Variants in KIF14 observed in about 807,000 individuals in gnomAD.
KIF14 encodes the protein kinesin-like protein KIF14.
In KIF14, 98 loss-of-function variants were observed where a neutral mutation model predicts 176.2. That is an observed-to-expected ratio of 0.56 (90% CI 0.47 to 0.66). The LOEUF is 0.66. Among genes scored for constraint, KIF14 ranks in the 30% least tolerant of loss-of-function variants. KIF14 has a pLI of 0.00. For missense variants in KIF14, 1,751 were observed against 1,920.4 expected (o/e 0.91, Z 1.65); for synonymous variants, 566 against 632.2 (o/e 0.90, Z 1.57).
rs979747208 is a variant in KIF14, at chr1:200,559,504, A to T, written c.4231-52T>A. The T allele has an allele frequency of 2.5e-5, 26 of 1,027,852 alleles. No individual in the cohort carries two copies. In the East Asian group the frequency reaches 3.5e-4, roughly 14 times the overall value. 63.7% of individuals were successfully genotyped at this position (1,027,852 alleles called of 1,614,324 possible). On this transcript the variant is annotated intron_variant, in intron 26 of 29. Coordinates refer to ENST00000367350, the MANE Select transcript of KIF14 (RefSeq NM_014875.3). ...AGAAAATTTAGGTTTTATGTATTTTAATTTATTTAAATTTAGGTTTTATAT... is the reference window on the plus strand; with the variant it reads ...AGAAAATTTAGGTTTTATGTATTTTTATTTATTTAAATTTAGGTTTTATAT...
intron 23 of KIF14, among the ~76,000 whole-genome samples, chr1:200,569,442 A>T (rs1359209609): frequency 6.6e-6 from 1 of 152,168 alleles, no homozygotes; most frequent in Admixed American, 6.5e-5. Context: ...ACCAAAGGGG[A>T]TGCAGTGAAA....
At position 200,577,851 on chromosome 1, in the gene KIF14, C is replaced by A. The variant is rs2102640986; in HGVS notation, c.3466-2160G>T. Among the ~76,000 whole-genome samples the A allele has an allele frequency of 1.3e-5, 2 of 151,722 alleles. 1 individual carries two copies. Among genetic ancestry groups the A allele is most frequent in the East Asian group, 3.9e-4 (2 of 5,166 alleles). ...GACACTTTCTATGTATTGCTATGTT[C>A]TAGAATAGTTTAAACAGAATAAGAT... On this transcript the variant is annotated intron_variant, in intron 21 of 29. Coordinates refer to ENST00000367350, the MANE Select transcript of KIF14 (RefSeq NM_014875.3).
chr1:200,600,534 T>A, intron 11 of KIF14, 31 bp from the exon 12 acceptor site: 1 of 1,473,528 alleles, frequency 6.8e-7, no homozygotes, highest in South Asian at 1.1e-5. Flanking sequence ...GCATTAATAA[T>A]AACATTTAAT....
chr1:200,617,562 G>C lies in KIF14; in HGVS notation c.1112+50C>G, dbSNP rs201341872. On this transcript the variant is annotated intron_variant, in intron 2 of 29. Transcript: ENST00000367350. The stretch of plus-strand genomic sequence containing the variant: ...TTCCAAAGGCAGAGAGGAATTAAAG[G>C]TACCTTACATGTAACTGCTTGGCTT... 1,837 of 1,523,954 alleles carry C rather than the reference G, an allele frequency of 1.2e-3. 13 individuals are homozygous for C. The highest frequency in any genetic ancestry group is 1.4e-3 in the Middle Eastern group (8 of 5,690). 94.4% of individuals were successfully genotyped at this position (1,523,954 alleles called of 1,614,324 possible).
intron 21 of KIF14, among the ~76,000 whole-genome samples, chr1:200,576,580 T>C (rs1291209887): frequency 6.6e-6 from 1 of 151,964 alleles, no homozygotes; most frequent in Non-Finnish European, 1.5e-5. Context: ...ATGACCTCCA[T>C]ACTACTTTTG....
chr1:200,573,795 A>G (rs1056656511), intron 22 of KIF14, among the ~76,000 whole-genome samples: 2 of 152,252 alleles, frequency 1.3e-5, no homozygotes, highest in African/African-American at 4.8e-5. Context: ...AAGCCAAGTC[A>G]AAAACAAGGC....
intron 22 of KIF14, among the ~76,000 whole-genome samples, chr1:200,575,240 G>A (rs909395956): frequency 6.6e-6 from 1 of 152,034 alleles, no homozygotes; most frequent in Non-Finnish European, 1.5e-5. Flanking sequence ...ACAGGCATGA[G>A]CCACCACACC....
intron 4 of KIF14, among the ~76,000 whole-genome samples, chr1:200,609,299 T>G (rs1232539359): frequency 6.6e-6 from 1 of 152,134 alleles, no homozygotes; most frequent in African/African-American, 2.4e-5. Context: ...TGCTAGTGGA[T>G]GTAAAATGGT....
intron 5 of KIF14, among the ~76,000 whole-genome samples, chr1:200,608,433 C>T (rs55794610): frequency 0.086 from 12,840 of 149,810 alleles, 582 homozygotes; most frequent in Non-Finnish European, 0.096. Context: ...GGCTTGATCT[C>T]GGCTCACTGC....
chr1:200,579,708 T>C (rs960512458), intron 21 of KIF14, among the ~76,000 whole-genome samples: 3 of 152,016 alleles, frequency 2.0e-5, no homozygotes, highest in Non-Finnish European at 4.4e-5. Flanking sequence ...CATCAAAGTG[T>C]AATAAAAAGC....
intron 1 of KIF14, among the ~76,000 whole-genome samples, chr1:200,620,202 CA>C (rs1277125529): frequency 4.6e-5 from 7 of 152,094 alleles, no homozygotes; most frequent in Admixed American, 4.6e-4. Flanking sequence ...AATTTAAAGG[CA>C]AAAAGAAGAT....
In KIF14 at chr1:200,614,351, A is replaced by C. The variant is rs1210809891; in HGVS notation, c.1422T>G (p.Leu474=). 6 of 1,608,966 alleles carry C rather than the reference A, an allele frequency of 3.7e-6. No homozygotes were observed. Among genetic ancestry groups the C allele is most frequent in the Non-Finnish European group, 5.1e-6 (6 of 1,175,916 alleles). Residue 474 remains leucine, a synonymous_variant, in exon 4 of 30, where the codon CTT becomes CTG. Transcript: ENST00000367350. ...PGIIPRFCED[L]FSQVARKQTQ... ...TTTGTTTTCTGGCTACTTGAGAAAAAAGATCTTCACAAAATCTTGGAATTA... is the reference window on the plus strand; with the variant it reads ...TTTGTTTTCTGGCTACTTGAGAAAACAGATCTTCACAAAATCTTGGAATTA...
chr1:200,588,747 G>A (rs1283548270), intron 18 of KIF14, among the ~76,000 whole-genome samples: 1 of 152,210 alleles, frequency 6.6e-6, no homozygotes, highest in South Asian at 2.1e-4. Context: ...TCAATGACAT[G>A]ATAAAAGCAG....
chr1:200,611,725 C>T (rs995806131), intron 4 of KIF14, among the ~76,000 whole-genome samples: 1 of 152,176 alleles, frequency 6.6e-6, no homozygotes, highest in Non-Finnish European at 1.5e-5. Flanking sequence ...CCCCCATCCA[C>T]ATACTATTAT....
chr1:200,586,753 A>G (rs1329178372), intron 18 of KIF14, among the ~76,000 whole-genome samples: 12 of 146,970 alleles, frequency 8.2e-5, no homozygotes, highest in Admixed American at 6.9e-4. Context: ...CAACCAATGA[A>G]TGGATAAAGA....
rs1660519561 is a variant in KIF14 at position 200,618,382 on chromosome 1, T to C, written c.342A>G (p.Thr114=). The C allele has an allele frequency of 1.2e-6, 2 of 1,614,224 alleles. No individual in the cohort carries two copies. The highest frequency in any genetic ancestry group is 1.7e-6 in the Non-Finnish European group (2 of 1,180,036). Residue 114 remains threonine, a synonymous_variant, in exon 2 of 30, where the codon ACA becomes ACG. Transcript: ENST00000367350. The part of the protein sequence containing the change: ...VSELEDTTEK[T]AETRLTLQRR... ...GTTGTAATGTAAGACGTGTTTCTGC[T>C]GTTTTTTCAGTTGTGTCTTCCAACT...
chr1:200,563,571 C>A (rs1657277842), intron 25 of KIF14, among the ~76,000 whole-genome samples: 1 of 151,928 alleles, frequency 6.6e-6, no homozygotes, highest in African/African-American at 2.4e-5. Context: ...AAGTATCTAA[C>A]AAGTTGGATA....
At chr1:200,616,969 T>C (rs1366108566) in intron 2 of KIF14, among the ~76,000 whole-genome samples, 1 of 152,074 alleles carries the variant, frequency 6.6e-6, no homozygotes, top group Non-Finnish European at 1.5e-5. Flanking sequence ...AGTAATTTGT[T>C]ATGGCTCTTC....
chr1:200,559,639 G>A (rs1657021818), intron 26 of KIF14, among the ~76,000 whole-genome samples, 187 bp from the exon 27 acceptor site: 2 of 152,020 alleles, frequency 1.3e-5, no homozygotes. Flanking sequence ...AACAGTCTGT[G>A]GTCTGTAAAG....
Sources: gnomAD v4.1 joint callset for allele counts (sites outside exome capture counted in the v4.1 genomes callset) on GRCh38, gnomAD v4.1.1 for gene constraint, MANE v1.5 for transcripts, NCBI Gene and HGNC (gene_info 2026-07-23, HGNC 2026-07-21) for gene names.